SHOC2: variants seen among roughly 807,000 people sequenced by gnomAD.
The protein encoded by SHOC2 is leucine-rich repeat protein SHOC-2.
SHOC2 carries 4 observed loss-of-function variants against 50.2 expected under a neutral mutation model. That is an observed-to-expected ratio of 0.08 (90% CI 0.04 to 0.18). SHOC2 has a LOEUF of 0.18. Ranked by LOEUF, SHOC2 falls within the 10% of genes least tolerant of loss-of-function variation. The pLI is 1.00. For synonymous variants in SHOC2, 218 were observed against 244.5 expected (o/e 0.89, Z 1.01); for missense variants, 388 against 669.6 (o/e 0.58, Z 4.64).
intron 2 of SHOC2, among the ~76,000 whole-genome samples, chr10:110,981,523 G>T (rs1847976039): frequency 6.6e-6 from 1 of 152,206 alleles, no homozygotes; most frequent in South Asian, 2.1e-4. Flanking sequence ...GTGAGGACAG[G>T]AACGATGACT....
At chr10:110,923,296 A>G in intron 1 of SHOC2, among the ~76,000 whole-genome samples, 1 of 152,138 alleles carries the variant, frequency 6.6e-6, no homozygotes, top group East Asian at 1.9e-4. Context: ...GTGTTCTTAA[A>G]AGTGTTTGTT....
intron 1 of SHOC2, among the ~76,000 whole-genome samples, chr10:110,928,014 TTTTA>T (rs2134072166): frequency 6.6e-6 from 1 of 152,274 alleles, no homozygotes; most frequent in South Asian, 2.1e-4. Context: ...TGAAAATAGT[TTTTA>T]TTTAAATATT....
intron 4 of SHOC2, 136 bp from the exon 5 acceptor site, chr10:111,004,470 A>G (rs1038357392): frequency 4.4e-5 from 30 of 678,350 alleles, no homozygotes; most frequent in Non-Finnish European, 7.1e-5. Flanking sequence ...GAGAAGTGTC[A>G]CAGACTGCCC....
intron 1 of SHOC2, among the ~76,000 whole-genome samples, chr10:110,946,652 G>A (rs1455482230): frequency 6.6e-6 from 1 of 152,084 alleles, no homozygotes; most frequent in Non-Finnish European, 1.5e-5. Flanking sequence ...GGAATAGCTA[G>A]AACAAAGACT....
chr10:110,984,719 C>T (rs767048137), intron 2 of SHOC2, among the ~76,000 whole-genome samples: 2 of 152,094 alleles, frequency 1.3e-5, no homozygotes, highest in Admixed American at 6.5e-5. Context: ...ATTGCCAATA[C>T]AGAGCTTTCA....
At chr10:110,987,450 A>G (rs1200748466) in intron 3 of SHOC2, among the ~76,000 whole-genome samples, 3 of 152,186 alleles carry the variant, frequency 2.0e-5, no homozygotes, top group Non-Finnish European at 2.9e-5. Context: ...TTTTTGGCCC[A>G]TGACACTATC....
chr10:111,005,624 C>G (rs1179419895), intron 5 of SHOC2, among the ~76,000 whole-genome samples: 1 of 152,088 alleles, frequency 6.6e-6, no homozygotes, highest in East Asian at 1.9e-4. Flanking sequence ...GTTTAGAGAT[C>G]AGAATTATTT....
intron 3 of SHOC2, among the ~76,000 whole-genome samples, chr10:110,992,174 C>G (rs1300568454): frequency 6.6e-6 from 1 of 151,994 alleles, no homozygotes; most frequent in Non-Finnish European, 1.5e-5. Context: ...TAATTACTGC[C>G]ATTTACTTCC....
intron 1 of SHOC2, among the ~76,000 whole-genome samples, chr10:110,929,894 G>A (rs11195378): frequency 0.071 from 10,868 of 152,190 alleles, 774 homozygotes; most frequent in East Asian, 0.3. Context: ...GAATTGTAGG[G>A]TTGTGTTTAA....
rs771283010 is a variant in SHOC2 at position 111,009,838 on chromosome 10, C to T, written c.1540+8C>T. On this transcript the variant is annotated splice_region_variant and intron_variant, in intron 8 of 8. Transcript: ENST00000369452. ...ACCTTCCTGAAGAAATTGGTATGAA[C>T]CCTGTGAATGCTTGACTCTGTACTA... 5.5e-4 allele frequency: 765 copies of T among 1,391,572 alleles called. 6 individuals are homozygous for T. The highest frequency in any genetic ancestry group is 4.4e-5 in the Non-Finnish European group (43 of 977,026). 86.2% of individuals were successfully genotyped at this position (1,391,572 alleles called of 1,614,324 possible).
At chr10:110,944,396 A>AG (rs1331352879) in intron 1 of SHOC2, among the ~76,000 whole-genome samples, 62 of 151,838 alleles carry the variant, frequency 4.1e-4, no homozygotes, top group Non-Finnish European at 1.2e-4. Context: ...AAAAAAAAAA[A>AG]AAAAGCTGAC....
intron 4 of SHOC2, 87 bp downstream of exon 4, chr10:111,000,632 A>G (rs767003193): frequency 3.0e-5 from 36 of 1,207,876 alleles, no homozygotes; most frequent in Non-Finnish European, 3.9e-5. Flanking sequence ...AGCAGGGTAA[A>G]TAATTTGGTG....
intron 6 of SHOC2, 134 bp downstream of exon 6, chr10:111,007,787 CA>C: frequency 2.3e-6 from 2 of 871,136 alleles, no homozygotes; most frequent in Non-Finnish European, 3.7e-6. Context: ...CTTAAACATA[CA>C]ACCCTAATAG....
Position 111,011,686 on chromosome 10 carries a change from C to G in SHOC2, c.1617C>G (p.Leu539=). ...NLHSLPFELA[L]CSKLSIMSIE... ...ATAGCCTTCCCTTTGAGCTGGCACT[C>G]TGCAGCAAGCTTTCAATCATGAGTA... Residue 539 remains leucine, a synonymous_variant, in exon 9 of 9, where the codon CTC becomes CTG. Transcript: ENST00000369452. 1 of 1,613,890 alleles carries G rather than the reference C, an allele frequency of 6.2e-7. No homozygotes were observed. Among genetic ancestry groups the G allele is most frequent in the South Asian group, 1.1e-5 (1 of 91,076 alleles).
At chr10:111,010,818 A>G (rs1031865570) in intron 8 of SHOC2, among the ~76,000 whole-genome samples, 2 of 152,232 alleles carry the variant, frequency 1.3e-5, no homozygotes, top group Non-Finnish European at 2.9e-5. Flanking sequence ...GATAATAGGA[A>G]GTTCTCACAA....
chr10:110,927,788 T>C lies in SHOC2; in HGVS notation c.-235+8131T>C, dbSNP rs1381618939. Among the ~76,000 whole-genome samples the C allele has an allele frequency of 2.6e-5, 4 of 152,220 alleles. No individual in the cohort carries two copies. The East Asian group carries it at 7.7e-4, about 29-fold the overall frequency. ...CACCAAGCACCTTAAGATAGTCAGA[T>C]ATAATGATGGTTAGTGAATGTTTGA... On this transcript the variant is annotated intron_variant, in intron 1 of 8. Transcript: ENST00000369452.
Position 110,936,927 on chromosome 10 carries a change from T to A in SHOC2, c.-235+17270T>A, listed in dbSNP as rs773447562. 2.4e-5 allele frequency: 34 copies of A among 1,406,042 alleles called. No individual in the cohort carries two copies. In the Middle Eastern group the frequency reaches 5.5e-4, roughly 23 times the overall value. 87.1% of individuals were successfully genotyped at this position (1,406,042 alleles called of 1,614,324 possible). On this transcript the variant is annotated intron_variant, in intron 1 of 8. Coordinates refer to ENST00000369452, the MANE Select transcript of SHOC2 (RefSeq NM_007373.4). ...GGCGGTGGGATGCAGTCAAACACCT[T>A]GAGGCGGTCCAGAGCGGCCTGGCCT...
chr10:110,930,052 TATATG>T (rs139586192), intron 1 of SHOC2, among the ~76,000 whole-genome samples: 8,814 of 152,286 alleles, frequency 0.058, 325 homozygotes, highest in African/African-American at 0.1. Flanking sequence ...CTTTTGATCT[TATATG>T]AGGAAGATTT....
chr10:110,953,556 C>T lies in SHOC2; in HGVS notation c.-234-10569C>T, dbSNP rs1412040035. 3.3e-5 allele frequency among the ~76,000 whole-genome samples: 5 copies of T among 152,220 alleles called. No homozygotes were observed. In the East Asian group the frequency reaches 9.6e-4, roughly 29 times the overall value. On this transcript the variant is annotated intron_variant, in intron 1 of 8. Transcript: ENST00000369452. ...CCATTGAAAGACATCTTGGTTGCCT[C>T]TAAGTTTGGGCAATTATAAAGCTGC...
Sources: allele counts gnomAD v4.1 joint callset (sites outside exome capture counted in the v4.1 genomes callset), GRCh38; gene constraint gnomAD v4.1.1; transcripts MANE v1.5; gene names NCBI Gene and HGNC (gene_info 2026-07-23, HGNC 2026-07-21).